Variants in SLC2A9 observed in about 807,000 individuals in gnomAD.
SLC2A9 encodes solute carrier family 2, facilitated glucose transporter member 9.
In SLC2A9, 39 loss-of-function variants were observed where a neutral mutation model predicts 50.6. The observed-to-expected ratio is 0.77, with a 90% confidence interval of 0.60 to 1.01. The LOEUF (loss-of-function observed/expected upper bound fraction) is 1.01. Among genes scored for constraint, SLC2A9 ranks in the 50% least tolerant of loss-of-function variants. The pLI is 0.00. For synonymous variants in SLC2A9, 324 were observed against 276.9 expected, an observed-to-expected ratio of 1.17 and a Z score of -1.69; for missense variants, 686 against 677.6, an observed-to-expected ratio of 1.01 and a Z score of -0.14.
intron 8 of SLC2A9, among the ~76,000 whole-genome samples, chr4:9,893,755 C>A (rs954580034): frequency 2.0e-5 from 3 of 151,982 alleles, no homozygotes; most frequent in Admixed American, 1.3e-4. Context: ...GGGACCCCCG[C>A]AAAGGTAATA....
At chr4:9,934,453 G>C (rs1746699015) in intron 6 of SLC2A9, among the ~76,000 whole-genome samples, 1 of 152,188 alleles carries the variant, frequency 6.6e-6, no homozygotes, top group South Asian at 2.1e-4. Flanking sequence ...CTAAGACACT[G>C]TCTGATGGCA....
In SLC2A9 at chr4:9,938,022, C is replaced by G. The variant is rs186981623; in HGVS notation, c.814+3891G>C. On this transcript the variant is annotated intron_variant, in intron 6 of 11. Coordinates refer to ENST00000264784, the MANE Select transcript of SLC2A9 (RefSeq NM_020041.3). The stretch of plus-strand genomic sequence containing the variant: ...TCTTTTTATGTTCTCTTTGTTCCCC[C>G]CCGAACATTATGTCCTAAGCATGCC... Among the ~76,000 whole-genome samples the G allele has an allele frequency of 3.9e-5, 6 of 152,322 alleles. No homozygotes were observed. The East Asian group carries it at 5.8e-4, about 15-fold the overall frequency.
intron 5 of SLC2A9, among the ~76,000 whole-genome samples, chr4:9,949,982 T>C (rs10000983): frequency 0.5 from 76,082 of 151,906 alleles, 20,803 homozygotes; most frequent in African/African-American, 0.72. Context: ...TCCCAACAAC[T>C]GCCTCCTGGG....
intron 3 of SLC2A9, among the ~76,000 whole-genome samples, chr4:9,788,071 A>G (rs548461704): frequency 3.9e-5 from 6 of 152,262 alleles, no homozygotes; most frequent in Admixed American, 3.9e-4. Flanking sequence ...TGGTTGTCAA[A>G]TAGTGTTTTT....
At chr4:9,783,092 A>G in intron 3 of SLC2A9, 1 of 1,614,118 alleles carries the variant, frequency 6.2e-7, no homozygotes. Flanking sequence ...CTCCTCACTC[A>G]ACCCCGTCAT....
intron 11 of SLC2A9, among the ~76,000 whole-genome samples, chr4:9,829,061 G>A (rs1725596817): frequency 6.6e-6 from 1 of 152,140 alleles, no homozygotes; most frequent in Non-Finnish European, 1.5e-5. Flanking sequence ...CAAGGGACCT[G>A]ATGGGTGTCG....
intron 7 of SLC2A9, among the ~76,000 whole-genome samples, chr4:9,912,693 T>G (rs1183400431): frequency 1.3e-5 from 2 of 152,140 alleles, no homozygotes; most frequent in African/African-American, 4.8e-5. Context: ...GAGTATGGGT[T>G]TAATTTATGC....
downstream of SLC2A9, among the ~76,000 whole-genome samples, chr4:9,776,205 C>T (rs1172441156): frequency 2.1e-5 from 3 of 139,972 alleles, no homozygotes; most frequent in Non-Finnish European, 4.6e-5. Flanking sequence ...TTTTTTTTGA[C>T]AGAGTTCTGA....
intron 10 of SLC2A9, chr4:9,879,353 CGT>C (rs3060767): frequency 2.0e-4 from 170 of 834,160 alleles, no homozygotes; most frequent in East Asian, 1.5e-3. Flanking sequence ...GACCATGAAG[CGT>C]GTGTGTGTGT....
At chr4:9,880,785 A>G (rs1294169113) in intron 10 of SLC2A9, among the ~76,000 whole-genome samples, 1 of 152,194 alleles carries the variant, frequency 6.6e-6, no homozygotes, top group East Asian at 1.9e-4. Context: ...TGCCCTCATG[A>G]CCTGCACTTA....
intron 8 of SLC2A9, among the ~76,000 whole-genome samples, chr4:9,896,804 T>C (rs893440917): frequency 4.6e-5 from 7 of 152,250 alleles, no homozygotes; most frequent in African/African-American, 1.4e-4. Flanking sequence ...ATCTACTTTT[T>C]ATGACACTAC....
chr4:9,849,950 G>C (rs1381331583), intron 10 of SLC2A9, among the ~76,000 whole-genome samples: 2 of 152,004 alleles, frequency 1.3e-5, no homozygotes, highest in African/African-American at 2.4e-5. Context: ...AGAAAAGCAA[G>C]AGTGACTAGA....
chr4:9,800,055 T>C (rs1240294667), intron 3 of SLC2A9, among the ~76,000 whole-genome samples: 1 of 152,094 alleles, frequency 6.6e-6, no homozygotes, highest in South Asian at 2.1e-4. Context: ...CAGAAAAGAA[T>C]TGGCTAAATT....
At chr4:10,026,662 C>T (rs367985570) in intron 1 of SLC2A9, among the ~76,000 whole-genome samples, 15 of 152,272 alleles carry the variant, frequency 9.9e-5, no homozygotes, top group African/African-American at 2.6e-4. Flanking sequence ...ATCCATATAG[C>T]GGAAAATTAC....
At chr4:9,801,658 G>T (rs1401900308) in intron 3 of SLC2A9, among the ~76,000 whole-genome samples, 1 of 152,176 alleles carries the variant, frequency 6.6e-6, no homozygotes, top group East Asian at 1.9e-4. Context: ...AGTTGAGGTA[G>T]AAAAGTTGAG....
Position 9,931,962 on chromosome 4 carries a change from CTATATATATATATATATA to C in SLC2A9, c.814+9933_814+9950del, listed in dbSNP as rs61538689. 3.4e-4 allele frequency among the ~76,000 whole-genome samples: 5 copies of C among 14,580 alleles called. No homozygotes were observed. The East Asian group carries it at 5.0e-3, about 15-fold the overall frequency. The allele number at this position is 14,580 out of a possible 152,430, so 9.6% of individuals were successfully genotyped here. On this transcript the variant is annotated intron_variant, in intron 6 of 11. Coordinates refer to ENST00000264784, the MANE Select transcript of SLC2A9 (RefSeq NM_020041.3). Reference sequence around the variant, plus strand: ...TCTCTCTCTCTCTCTCTCTCTCTCTCTATATATATATATATATATATATATATATATATATATGCCTTG... The same window carrying C: ...TCTCTCTCTCTCTCTCTCTCTCTCTCTATATATATATATATATATGCCTTG...
At chr4:9,829,493 C>G (rs1459768082) in intron 11 of SLC2A9, among the ~76,000 whole-genome samples, 2 of 141,084 alleles carry the variant, frequency 1.4e-5, no homozygotes, top group Non-Finnish European at 3.1e-5. Context: ...AAAAGAAGAG[C>G]AACAAAAGCA....
At chr4:9,865,291 A>G (rs557212033) in intron 10 of SLC2A9, among the ~76,000 whole-genome samples, 2 of 152,356 alleles carry the variant, frequency 1.3e-5, no homozygotes, top group East Asian at 1.9e-4. Flanking sequence ...AGAGCCCCCA[A>G]CAACAAAATA....
chr4:9,905,397 C>A (rs1365340882), intron 8 of SLC2A9, among the ~76,000 whole-genome samples: 3 of 152,212 alleles, frequency 2.0e-5, no homozygotes, highest in Non-Finnish European at 4.4e-5. Flanking sequence ...GAGGAGCTGG[C>A]AAGAGCTTGC....
Sources: gnomAD v4.1 joint callset for allele counts (sites outside exome capture counted in the v4.1 genomes callset) on GRCh38, gnomAD v4.1.1 for gene constraint, MANE v1.5 for transcripts, NCBI Gene and HGNC (gene_info 2026-07-23, HGNC 2026-07-21) for gene names.